KDM1A: variants seen among roughly 807,000 people sequenced by gnomAD.
KDM1A encodes lysine-specific histone demethylase 1A.
A neutral mutation model predicts 109.4 loss-of-function variants in KDM1A; 49 were observed. That is an observed-to-expected ratio of 0.45 (90% confidence interval 0.36 to 0.57). KDM1A has a LOEUF of 0.57. KDM1A is among the 20% of genes least tolerant of loss of function. The probability of loss-of-function intolerance (pLI) is 0.00; values close to 1 mark genes in which losing one functional copy is unlikely to be tolerated. For synonymous variants in KDM1A, 380 were observed against 415.4 expected (o/e 0.91, Z 1.04); for missense variants, 668 against 1,116.6 (o/e 0.60, Z 5.73).
chr1:23,027,852 G>C (rs1345406631), intron 1 of KDM1A, among the ~76,000 whole-genome samples: 1 of 151,754 alleles, frequency 6.6e-6, no homozygotes, highest in Non-Finnish European at 1.5e-5. Flanking sequence ...AATTGTGTTG[G>C]TTGTCTCTAA....
chr1:23,023,352 C>A (rs1569612328), intron 1 of KDM1A, among the ~76,000 whole-genome samples: 1 of 152,120 alleles, frequency 6.6e-6, no homozygotes, highest in Admixed American at 6.5e-5. Flanking sequence ...TTAGCTCTTG[C>A]ATTTATGTCG....
At chr1:23,022,805 C>A (rs1569609779) in intron 1 of KDM1A, among the ~76,000 whole-genome samples, 1 of 151,896 alleles carries the variant, frequency 6.6e-6, no homozygotes, top group East Asian at 1.9e-4. Context: ...ATTACAGGCA[C>A]CTGCCACCAC....
At chr1:23,081,267 GGCGACAAAGAGTTCTGTAT>G (rs1643613069) in intron 18 of KDM1A, 160 bp from the exon 19 acceptor site, 3 of 645,870 alleles carry the variant, frequency 4.6e-6, no homozygotes, top group African/African-American at 1.8e-5. Context: ...GCTGGTGTCT[GGCGACAAAGAGTTCTGTAT>G]GCTGTTTCAG....
intron 3 of KDM1A, among the ~76,000 whole-genome samples, chr1:23,047,539 C>T (rs1330265306): frequency 6.6e-6 from 1 of 152,150 alleles, no homozygotes; most frequent in African/African-American, 2.4e-5. Flanking sequence ...ATATAAATAA[C>T]ATTTCTTAAT....
chr1:23,083,367 C>G lies in KDM1A; in HGVS notation c.*3C>G, dbSNP rs1643678478. On this transcript the variant is annotated 3_prime_UTR_variant, in exon 21 of 21. Coordinates refer to ENST00000400181, the MANE Select transcript of KDM1A (RefSeq NM_001009999.3). ...CACAGCAGTCCCCAAGCATGTGAGA[C>G]AGATGCATTCTAAGGGAAGAGGCCC... 3 of 1,609,136 alleles carry G rather than the reference C, an allele frequency of 1.9e-6. No homozygotes were observed. The East Asian group carries it at 6.7e-5, about 36-fold the overall frequency.
chr1:23,044,742 G>A (rs1008698178), intron 3 of KDM1A, among the ~76,000 whole-genome samples: 1 of 152,060 alleles, frequency 6.6e-6, no homozygotes, highest in Non-Finnish European at 1.5e-5. Context: ...TTTCTCCCCA[G>A]CAGCCTTTCT....
chr1:23,071,435 AAG>A (rs1157653483), intron 13 of KDM1A, 76 bp downstream of exon 13: 8 of 1,420,194 alleles, frequency 5.6e-6, no homozygotes, highest in African/African-American at 2.9e-5. Flanking sequence ...AATTTTGGAA[AAG>A]AGAGCCACTA....
chr1:23,020,032 T>A (rs943160560), intron 1 of KDM1A, 85 bp downstream of exon 1: 3 of 1,342,230 alleles, frequency 2.2e-6, no homozygotes, highest in Non-Finnish European at 2.9e-6. Flanking sequence ...CGCCGCCGGG[T>A]CTTGGGCCCT....
At chr1:23,053,449 G>C (rs901610935) in intron 4 of KDM1A, among the ~76,000 whole-genome samples, 6 of 152,076 alleles carry the variant, frequency 3.9e-5, no homozygotes, top group Admixed American at 3.9e-4. Context: ...ACAGTGGTAC[G>C]ATCATGGCTC....
intron 9 of KDM1A, among the ~76,000 whole-genome samples, chr1:23,063,214 T>TGG (rs1643058258): frequency 4.9e-5 from 1 of 20,454 alleles, no homozygotes; most frequent in Non-Finnish European, 1.1e-4. Context: ...GGGTGTGGTG[T>TGG]GGGGTGGGTG....
chr1:23,053,074 C>T (rs955960965), intron 4 of KDM1A, among the ~76,000 whole-genome samples: 2 of 152,152 alleles, frequency 1.3e-5, no homozygotes, highest in Non-Finnish European at 2.9e-5. Context: ...GAGATGTTGT[C>T]CTTGACACCT....
intron 3 of KDM1A, among the ~76,000 whole-genome samples, chr1:23,047,154 T>C (rs1362374385): frequency 2.0e-5 from 3 of 152,196 alleles, no homozygotes; most frequent in Non-Finnish European, 4.4e-5. Flanking sequence ...AAGAAGGATG[T>C]TTTGATTTAG....
At chr1:23,051,631 G>C (rs2124456073) in intron 4 of KDM1A, among the ~76,000 whole-genome samples, 1 of 152,130 alleles carries the variant, frequency 6.6e-6, no homozygotes, top group African/African-American at 2.4e-5. Context: ...TATTCATCAG[G>C]AATTCTTATT....
At chr1:23,043,393 T>C (rs907771123) in intron 2 of KDM1A, among the ~76,000 whole-genome samples, 2 of 152,232 alleles carry the variant, frequency 1.3e-5, no homozygotes, top group African/African-American at 4.8e-5. Context: ...AATAATTTCT[T>C]ATATCTAAGT....
At chr1:23,033,428 A>G (rs1331378610) in intron 2 of KDM1A, among the ~76,000 whole-genome samples, 2 of 152,074 alleles carry the variant, frequency 1.3e-5, no homozygotes, top group Admixed American at 1.3e-4. Context: ...AGGCTGAGGC[A>G]GGAGAATTGC....
chr1:23,042,456 T>A (rs1219114239), intron 2 of KDM1A, among the ~76,000 whole-genome samples: 6 of 110,384 alleles, frequency 5.4e-5, no homozygotes, highest in South Asian at 6.6e-4. Context: ...TTTTTTTTTT[T>A]TTTTTTTTTT....
At position 23,029,845 on chromosome 1, in the gene KDM1A, A is replaced by G. The variant is rs376399480; in HGVS notation, c.352-624A>G. 2.0e-5 allele frequency among the ~76,000 whole-genome samples: 3 copies of G among 152,172 alleles called. No individual in the cohort carries two copies. In the East Asian group the frequency reaches 5.8e-4, roughly 29 times the overall value. The stretch of plus-strand genomic sequence containing the variant: ...AGTAGAGAAGGGTTTTCACCATGTT[A>G]GCTAGGTTGGTCTCGAACTCCTGAC... On this transcript the variant is annotated intron_variant, in intron 1 of 20. Coordinates refer to ENST00000400181, the MANE Select transcript of KDM1A (RefSeq NM_001009999.3).
chr1:23,081,273 A>G, intron 18 of KDM1A, 173 bp from the exon 19 acceptor site: 2 of 701,578 alleles, frequency 2.9e-6, no homozygotes, highest in Non-Finnish European at 4.5e-6. Context: ...GTCTGGCGAC[A>G]AAGAGTTCTG....
intron 3 of KDM1A, among the ~76,000 whole-genome samples, chr1:23,047,998 G>A (rs1180109558): frequency 6.6e-6 from 1 of 151,928 alleles, no homozygotes; most frequent in East Asian, 1.9e-4. Context: ...TTGAAAAATA[G>A]TATTTTGCAG....
Sources: gnomAD v4.1 joint callset for allele counts (sites outside exome capture counted in the v4.1 genomes callset) on GRCh38, gnomAD v4.1.1 for gene constraint, MANE v1.5 for transcripts, NCBI Gene and HGNC (gene_info 2026-07-23, HGNC 2026-07-21) for gene names.